The following MALRD1 variants were observed in gnomAD, a reference collection of about 807,000 sequenced individuals.
MALRD1 encodes MAM and LDL receptor class A domain containing 1.
A neutral mutation model predicts 242.1 loss-of-function variants in MALRD1; 247 were observed. The observed-to-expected ratio is 1.02, with a 90% CI of 0.92 to 1.13. The LOEUF (loss-of-function observed/expected upper bound fraction) is 1.13, where lower values mean the gene tolerates loss of function less well. Among genes scored for constraint, MALRD1 ranks in the 50% most tolerant of loss-of-function variants. The pLI is 0.00. For missense variants in MALRD1, 2,989 were observed against 2,533.1 expected (o/e 1.18, Z -3.86); for synonymous variants, 995 against 866.6 (o/e 1.15, Z -2.60).
intron 11 of MALRD1, among the ~76,000 whole-genome samples, chr10:19,149,527 A>G (rs1467227716): frequency 6.6e-6 from 1 of 152,162 alleles, no homozygotes. Context: ...ATATATATAT[A>G]GTAGATACAT....
intron 38 of MALRD1, among the ~76,000 whole-genome samples, chr10:19,706,097 C>T (rs1340189204): frequency 1.3e-5 from 2 of 152,016 alleles, no homozygotes; most frequent in African/African-American, 2.4e-5. Context: ...AAGGAGATAG[C>T]ATTTGGATTG....
At chr10:19,287,000 G>A (rs549299603) in intron 21 of MALRD1, among the ~76,000 whole-genome samples, 8 of 151,910 alleles carry the variant, frequency 5.3e-5, no homozygotes, top group Non-Finnish European at 1.2e-4. Flanking sequence ...TCCCTGGGAT[G>A]CAAGGCTGGT....
chr10:19,629,292 C>T (rs578199159), intron 36 of MALRD1, among the ~76,000 whole-genome samples: 4 of 152,218 alleles, frequency 2.6e-5, no homozygotes, highest in East Asian at 1.9e-4. Context: ...AGATTCTGTT[C>T]GCTGGTCATT....
At position 19,299,971 on chromosome 10, in the gene MALRD1, C is replaced by T. The variant is rs372895411; in HGVS notation, c.3419+16790C>T. Among the ~76,000 whole-genome samples, 8 of 151,906 alleles carry T rather than the reference C, an allele frequency of 5.3e-5. No homozygotes were observed. In the South Asian group the frequency reaches 1.0e-3, roughly 20 times the overall value. On this transcript the variant is annotated intron_variant, in intron 21 of 39. Coordinates refer to ENST00000454679, the MANE Select transcript of MALRD1 (RefSeq NM_001142308.3). ...ATGTGATTCTATAACTGGAAAACCC[C>T]GGAGGTTCTGCCCAGAGGCTCCTGG...
chr10:19,721,805 G>T (rs140967700), intron 38 of MALRD1: 1 of 152,236 alleles, frequency 6.6e-6, no homozygotes, highest in Non-Finnish European at 1.5e-5. Flanking sequence ...CTCATCTTCA[G>T]GGAAGCCGCC....
chr10:19,590,366 G>GTATATA (rs1370125523), intron 33 of MALRD1, among the ~76,000 whole-genome samples: 386 of 147,026 alleles, frequency 2.6e-3, no homozygotes, highest in African/African-American at 7.0e-3. Flanking sequence ...ATATGTATAT[G>GTATATA]TCTATATACA....
intron 24 of MALRD1, among the ~76,000 whole-genome samples, chr10:19,342,271 G>A (rs769121583): frequency 1.1e-4 from 16 of 152,160 alleles, no homozygotes; most frequent in South Asian, 2.1e-4. Context: ...ACTGACCTGC[G>A]TCATTACTTT....
intron 36 of MALRD1, among the ~76,000 whole-genome samples, chr10:19,661,329 T>C (rs534497668): frequency 4.7e-4 from 71 of 152,286 alleles, no homozygotes; most frequent in Non-Finnish European, 8.2e-4. Flanking sequence ...TAAAGACACA[T>C]GCACACGTAT....
rs183702992 is a variant in MALRD1 at position 19,189,707 on chromosome 10, A to C, written c.1952-14021A>C. 1.5e-4 allele frequency among the ~76,000 whole-genome samples: 23 copies of C among 152,234 alleles called. 1 individual carries two copies. In the East Asian group the frequency reaches 4.2e-3, roughly 28 times the overall value. On this transcript the variant is annotated intron_variant, in intron 14 of 39. Transcript: ENST00000454679. Reference sequence around the variant, plus strand: ...ACATTAACAGAACGAAGGAAAGAAAAAAACACGTGATCACCTCAATTGATG... The same window carrying C: ...ACATTAACAGAACGAAGGAAAGAAACAAACACGTGATCACCTCAATTGATG...
chr10:19,324,591 G>A (rs1192911551), intron 22 of MALRD1, among the ~76,000 whole-genome samples: 1 of 112,982 alleles, frequency 8.9e-6, no homozygotes, highest in Non-Finnish European at 1.8e-5. Flanking sequence ...ACTTCACTCA[G>A]AGATCTTATT....
chr10:19,117,775 A>G (rs1303675277), intron 5 of MALRD1, among the ~76,000 whole-genome samples: 1 of 152,198 alleles, frequency 6.6e-6, no homozygotes, highest in Non-Finnish European at 1.5e-5. Context: ...TCCATAACCA[A>G]TTGCTTCAGT....
At chr10:19,229,209 A>C (rs191318555) in intron 18 of MALRD1, among the ~76,000 whole-genome samples, 1 of 152,320 alleles carries the variant, frequency 6.6e-6, no homozygotes, top group African/African-American at 2.4e-5. Flanking sequence ...ACGTAACAAT[A>C]TATCAGAATG....
chr10:19,197,718 C>T (rs1380368913), intron 14 of MALRD1, among the ~76,000 whole-genome samples: 1 of 152,134 alleles, frequency 6.6e-6, no homozygotes, highest in Non-Finnish European at 1.5e-5. Context: ...CAGCCCTTTG[C>T]TCTAACATTT....
chr10:19,547,702 A>T (rs532071802), intron 32 of MALRD1, among the ~76,000 whole-genome samples: 8 of 143,570 alleles, frequency 5.6e-5, no homozygotes, highest in Non-Finnish European at 9.1e-5. Flanking sequence ...ACTTCACTTA[A>T]ATTTAAACCT....
chr10:19,442,982 T>C (rs1834755956), intron 28 of MALRD1, among the ~76,000 whole-genome samples: 3 of 152,198 alleles, frequency 2.0e-5, no homozygotes, highest in Admixed American at 2.0e-4. Context: ...TATTAATTAT[T>C]GCCTCAATTT....
chr10:19,175,193 T>C lies in MALRD1; in HGVS notation c.1831-15T>C. On this transcript the variant is annotated splice_polypyrimidine_tract_variant and intron_variant, in intron 13 of 39. Coordinates refer to ENST00000454679, the MANE Select transcript of MALRD1 (RefSeq NM_001142308.3). ...GTGATGTGTTTTTAACAGTTTTATCTTTCTGTAATTATAGTTAATTTTGGA... is the reference window on the plus strand; with the variant it reads ...GTGATGTGTTTTTAACAGTTTTATCCTTCTGTAATTATAGTTAATTTTGGA... The C allele has an allele frequency of 8.2e-7, 1 of 1,226,644 alleles. No individual in the cohort carries two copies. Among genetic ancestry groups the C allele is most frequent in the Non-Finnish European group, 1.0e-6 (1 of 984,328 alleles). The allele number at this position is 1,226,644 out of a possible 1,614,324, so 76.0% of individuals were successfully genotyped here. A position where few individuals can be genotyped will look rare whatever the true frequency, so the allele number is the denominator to read the frequency against.
chr10:19,700,331 T>A (rs1833568736), intron 38 of MALRD1, among the ~76,000 whole-genome samples: 1 of 152,122 alleles, frequency 6.6e-6, no homozygotes, highest in Admixed American at 6.6e-5. Context: ...TCTACAAATC[T>A]GCAACCTGCC....
chr10:19,384,470 A>G (rs1394320146), intron 26 of MALRD1, among the ~76,000 whole-genome samples: 1 of 117,124 alleles, frequency 8.5e-6, no homozygotes, highest in Non-Finnish European at 1.6e-5. Context: ...AATATATACT[A>G]TATATTATAT....
chr10:19,390,441 G>T (rs1175183086), intron 28 of MALRD1, among the ~76,000 whole-genome samples: 2 of 152,180 alleles, frequency 1.3e-5, no homozygotes, highest in Non-Finnish European at 2.9e-5. Flanking sequence ...GGATGTTTCT[G>T]TCAGAGCTTT....
Sources: allele counts gnomAD v4.1 joint callset (sites outside exome capture counted in the v4.1 genomes callset), GRCh38; gene constraint gnomAD v4.1.1; transcripts MANE v1.5; gene names NCBI Gene and HGNC (gene_info 2026-07-23, HGNC 2026-07-21).